SLC35F3: variants seen among roughly 807,000 people sequenced by gnomAD.
The protein encoded by SLC35F3 is solute carrier family 35 member F3, also known as putative thiamine transporter SLC35F3.
SLC35F3 carries 25 observed loss-of-function variants against 49.9 expected under a neutral mutation model. The ratio of observed to expected loss-of-function variants is 0.50; its 90% CI spans 0.37 to 0.70. SLC35F3 has a LOEUF of 0.70. Among genes scored for constraint, SLC35F3 ranks in the 30% least tolerant of loss-of-function variants. The probability of loss-of-function intolerance (pLI) is 0.00; values close to 1 mark genes in which losing one functional copy is unlikely to be tolerated. For missense variants in SLC35F3, 525 were observed against 639.8 expected, an observed-to-expected ratio of 0.82 and a Z score of 1.94; for synonymous variants, 275 against 265.4, an observed-to-expected ratio of 1.04 and a Z score of -0.35.
Position 234,158,798 on chromosome 1 carries a change from G to T in SLC35F3, c.284-72619G>T, listed in dbSNP as rs558727090. ...TATTTTGTCAAGTACATTACCTGTGGTGGACAAAAGATCTGAGAACAGTGA... is the reference window on the plus strand; with the variant it reads ...TATTTTGTCAAGTACATTACCTGTGTTGGACAAAAGATCTGAGAACAGTGA... On this transcript the variant is annotated intron_variant, in intron 2 of 7. Coordinates refer to ENST00000366618, the MANE Select transcript of SLC35F3 (RefSeq NM_173508.4). Among the ~76,000 whole-genome samples, 5 of 152,234 alleles carry T rather than the reference G, an allele frequency of 3.3e-5. No homozygotes were observed. The South Asian group carries it at 1.0e-3, about 32-fold the overall frequency.
At chr1:234,064,747 G>A (rs1664591345) in intron 2 of SLC35F3, among the ~76,000 whole-genome samples, 1 of 152,144 alleles carries the variant, frequency 6.6e-6, no homozygotes, top group African/African-American at 2.4e-5. Flanking sequence ...AGATCCCAGG[G>A]TAGACCAGAG....
intron 2 of SLC35F3, among the ~76,000 whole-genome samples, chr1:234,187,601 A>G (rs1666662921): frequency 6.6e-6 from 1 of 152,188 alleles, no homozygotes; most frequent in South Asian, 2.1e-4. Context: ...CAAACTGTGA[A>G]AGTGGGAAAG....
At chr1:234,265,764 A>G (rs1247358308) in intron 3 of SLC35F3, among the ~76,000 whole-genome samples, 1 of 152,090 alleles carries the variant, frequency 6.6e-6, no homozygotes, top group Non-Finnish European at 1.5e-5. Flanking sequence ...TGCCCCCACC[A>G]CATCACTCAA....
intron 3 of SLC35F3, among the ~76,000 whole-genome samples, chr1:234,274,806 G>A (rs945823528): frequency 6.6e-6 from 1 of 152,202 alleles, no homozygotes; most frequent in South Asian, 2.1e-4. Context: ...AAAGCAGACA[G>A]AATTCTGCAT....
Position 234,316,325 on chromosome 1 carries a change from CA to C in SLC35F3, c.829-276del, listed in dbSNP as rs538426864. Among the ~76,000 whole-genome samples the C allele has an allele frequency of 3.3e-5, 5 of 152,328 alleles. No individual in the cohort carries two copies. In the East Asian group the frequency reaches 9.6e-4, roughly 29 times the overall value. On this transcript the variant is annotated intron_variant, in intron 4 of 7. Coordinates refer to ENST00000366618, the MANE Select transcript of SLC35F3 (RefSeq NM_173508.4). ...CTCCTTCTCAGGTCCCTAAGAATCG[CA>C]GTGACTGGCCACCACCATGCCACCC...
chr1:234,202,639 A>G (rs1355327591), intron 2 of SLC35F3, among the ~76,000 whole-genome samples: 3 of 152,244 alleles, frequency 2.0e-5, no homozygotes, highest in African/African-American at 7.2e-5. Flanking sequence ...AGCCTCCTTC[A>G]TGGGCGGGAG....
intron 2 of SLC35F3, among the ~76,000 whole-genome samples, chr1:233,912,593 G>A (rs1404954163): frequency 6.6e-6 from 1 of 152,166 alleles, no homozygotes; most frequent in Non-Finnish European, 1.5e-5. Context: ...TTTATCGGAG[G>A]GAGAATGCAT....
intron 2 of SLC35F3, among the ~76,000 whole-genome samples, chr1:234,166,032 G>A (rs74953482): frequency 0.023 from 3,561 of 152,196 alleles, 66 homozygotes; most frequent in African/African-American, 0.056. Context: ...ATATTATCTT[G>A]TTCTTTTTTA....
At chr1:234,275,582 G>T (rs1482178522) in intron 3 of SLC35F3, among the ~76,000 whole-genome samples, 2 of 150,826 alleles carry the variant, frequency 1.3e-5, no homozygotes, top group Non-Finnish European at 2.9e-5. Context: ...TAGTTAGGTA[G>T]GTAGATAGAC....
At chr1:234,250,598 G>A (rs565433642) in intron 3 of SLC35F3, among the ~76,000 whole-genome samples, 134 of 146,966 alleles carry the variant, frequency 9.1e-4, no homozygotes, top group Admixed American at 1.7e-3. Context: ...AGCTTGCAGT[G>A]AGCCGAGATC....
At chr1:234,183,388 C>G (rs1666589353) in intron 2 of SLC35F3, among the ~76,000 whole-genome samples, 1 of 142,628 alleles carries the variant, frequency 7.0e-6, no homozygotes, top group Non-Finnish European at 1.5e-5. Flanking sequence ...TGATTTTTTT[C>G]TGGATTTTGA....
chr1:234,029,260 G>A (rs9435542), intron 2 of SLC35F3, among the ~76,000 whole-genome samples: 25,854 of 152,048 alleles, frequency 0.17, 4,116 homozygotes, highest in African/African-American at 0.41. Context: ...TCTTGTGGCT[G>A]GGAGTGGGGT....
chr1:234,031,086 A>T (rs1219179362), intron 2 of SLC35F3, among the ~76,000 whole-genome samples: 1 of 152,214 alleles, frequency 6.6e-6, no homozygotes, highest in Non-Finnish European at 1.5e-5. Context: ...CTGGGAATTT[A>T]CACCATTTGC....
chr1:234,283,106 C>T (rs1359877367), intron 3 of SLC35F3, among the ~76,000 whole-genome samples: 1 of 152,144 alleles, frequency 6.6e-6, no homozygotes, highest in East Asian at 1.9e-4. Context: ...GCATCAGGGC[C>T]ATGGGATTGA....
rs1364284289 is a variant in SLC35F3 at position 234,207,388 on chromosome 1, A to ATCCTTCCTTCCTCCCTCCC, written c.284-24019_284-24001dup. On this transcript the variant is annotated intron_variant, in intron 2 of 7. Transcript: ENST00000366618. ...TCCATCCTTTACCTTTTTTCCTTCC[A>ATCCTTCCTTCCTCCCTCCC]TCCTTCCTTCCTCCCTCCCTCCTTC... 9.2e-3 allele frequency among the ~76,000 whole-genome samples: 39 copies of ATCCTTCCTTCCTCCCTCCC among 4,232 alleles called. 1 individual carries two copies. The highest frequency in any genetic ancestry group is 0.028 in the South Asian group (3 of 108). The allele number at this position is 4,232 out of a possible 152,430, so 2.8% of individuals were successfully genotyped here.
chr1:234,070,855 A>G (rs1001146785), intron 2 of SLC35F3, among the ~76,000 whole-genome samples: 1 of 152,220 alleles, frequency 6.6e-6, no homozygotes, highest in Admixed American at 6.5e-5. Flanking sequence ...AAAATAAATA[A>G]TTAATGCTCC....
intron 2 of SLC35F3, among the ~76,000 whole-genome samples, chr1:233,924,278 GT>G (rs199816217): frequency 1.3e-5 from 2 of 151,878 alleles, no homozygotes; most frequent in African/African-American, 4.8e-5. Flanking sequence ...TGGTCCTACA[GT>G]TTTTTTGGTT....
chr1:234,063,712 T>C (rs1664576677), intron 2 of SLC35F3, among the ~76,000 whole-genome samples: 1 of 152,204 alleles, frequency 6.6e-6, no homozygotes, highest in South Asian at 2.1e-4. Flanking sequence ...CTGGCTTTTG[T>C]TTAGCTTTTA....
At position 233,939,785 on chromosome 1, in the gene SLC35F3, A is replaced by G. The variant is rs866199203; in HGVS notation, c.283+34027A>G. The stretch of plus-strand genomic sequence containing the variant: ...TGAAGCCTGTTTAGGAGAATGGTTC[A>G]CTTAAGCTTTCCTGGGACTGAACAT... On this transcript the variant is annotated intron_variant, in intron 2 of 7. Coordinates refer to ENST00000366618, the MANE Select transcript of SLC35F3 (RefSeq NM_173508.4). 1.6e-4 allele frequency among the ~76,000 whole-genome samples: 24 copies of G among 152,322 alleles called. No individual in the cohort carries two copies. The Middle Eastern group carries it at 0.01, about 65-fold the overall frequency.
Sources: allele counts gnomAD v4.1 joint callset (sites outside exome capture counted in the v4.1 genomes callset), GRCh38; gene constraint gnomAD v4.1.1; transcripts MANE v1.5; gene names NCBI Gene and HGNC (gene_info 2026-07-23, HGNC 2026-07-21).